Variants in TRAK1 observed in about 807,000 individuals in gnomAD.
The protein encoded by TRAK1 is trafficking kinesin protein 1, also known as trafficking kinesin-binding protein 1.
Under a neutral mutation model 92.1 loss-of-function variants are expected in TRAK1, and 33 were observed. The observed-to-expected ratio is 0.36, with a 90% confidence interval of 0.27 to 0.48. TRAK1 has a LOEUF of 0.48. TRAK1 is among the 20% of genes least tolerant of loss of function. The pLI, the probability that TRAK1 is intolerant of heterozygous loss-of-function variation, is 0.99. For synonymous variants in TRAK1, 521 were observed against 517.3 expected (o/e 1.01, Z -0.10); for missense variants, 1,123 against 1,257.9 (o/e 0.89, Z 1.62).
chr3:42,066,215 A>G (rs975297073), intron 1 of TRAK1, among the ~76,000 whole-genome samples: 13 of 152,044 alleles, frequency 8.6e-5, no homozygotes, highest in Admixed American at 4.6e-4. Context: ...AGCCCCAGCT[A>G]TTTGGGAGGC....
chr3:42,108,189 A>G (rs1156686428), intron 1 of TRAK1, among the ~76,000 whole-genome samples: 7 of 152,110 alleles, frequency 4.6e-5, no homozygotes, highest in African/African-American at 1.7e-4. Flanking sequence ...CTCCTTGACT[A>G]TAATTAAAAA....
At chr3:42,021,251 A>G (rs546437315) in intron 1 of TRAK1, among the ~76,000 whole-genome samples, 1 of 152,316 alleles carries the variant, frequency 6.6e-6, no homozygotes, top group South Asian at 2.1e-4. Flanking sequence ...TTAGTAGAGA[A>G]TAAAAGAGTG....
chr3:42,115,727 C>G lies in TRAK1; in HGVS notation c.92-9693C>G, dbSNP rs964568140. On this transcript the variant is annotated intron_variant, in intron 1 of 15. Coordinates refer to ENST00000327628, the MANE Select transcript of TRAK1 (RefSeq NM_001042646.3). ...TGAGGGTTTCTCTGCTTGTCCTTCT[C>G]TCTTCTGGAGATCCCCTTTGCTGTT... Among the ~76,000 whole-genome samples the G allele has an allele frequency of 4.1e-4, 63 of 152,210 alleles. 1 individual carries two copies. Among genetic ancestry groups the G allele is most frequent in the Non-Finnish European group, 1.3e-4 (9 of 68,040 alleles).
chr3:42,202,461 G>C lies in TRAK1; in HGVS notation c.1453G>C (p.Gly485Arg). The change falls in exon 13 of 16, where the codon GGG becomes CGG. Residue 485 changes from glycine to arginine, a missense_variant. Transcript: ENST00000327628. The surrounding 1 kb of genome is among the most constrained non-coding windows in gnomAD (Gnocchi z 6.1). ...LGNDERSKKP[G>R]TPGTPGSHDL... ...AAACGATGAGCGGAGTAAGAAGCCGGGGACGCCGGGCACCCCAGGCTCCCA... is the reference window on the plus strand; with the variant it reads ...AAACGATGAGCGGAGTAAGAAGCCGCGGACGCCGGGCACCCCAGGCTCCCA... The C allele has an allele frequency of 6.7e-7, 1 of 1,486,792 alleles. No homozygotes were observed. The highest frequency in any genetic ancestry group is 9.0e-7 in the Non-Finnish European group (1 of 1,115,174). The allele number at this position is 1,486,792 out of a possible 1,614,324, so 92.1% of individuals were successfully genotyped here. A position where few individuals can be genotyped will look rare whatever the true frequency, so the allele number is the denominator to read the frequency against.
upstream of TRAK1, among the ~76,000 whole-genome samples, chr3:42,090,105 A>G (rs1704927963): frequency 6.6e-6 from 1 of 152,170 alleles, no homozygotes. Flanking sequence ...GAGTGAGTAG[A>G]AATTGGCTGT....
At chr3:42,054,435 A>C (rs1471173702) in intron 1 of TRAK1, among the ~76,000 whole-genome samples, 1 of 152,138 alleles carries the variant, frequency 6.6e-6, no homozygotes, top group Non-Finnish European at 1.5e-5. Context: ...TTATTTTAGC[A>C]ATGATAGGAA....
chr3:42,212,339 G>T, intron 14 of TRAK1: 1 of 985,426 alleles, frequency 1.0e-6, no homozygotes, highest in Non-Finnish European at 1.2e-6. Flanking sequence ...GGAACACTCA[G>T]TAGGGAGACA....
upstream of TRAK1, among the ~76,000 whole-genome samples, chr3:42,083,275 T>A (rs1030209778): frequency 6.6e-6 from 1 of 152,204 alleles, no homozygotes; most frequent in African/African-American, 2.4e-5. Context: ...AATTTTTATA[T>A]CCTTTGCCCA....
intron 1 of TRAK1, among the ~76,000 whole-genome samples, chr3:42,023,738 G>T (rs1012133977): frequency 6.9e-6 from 1 of 145,814 alleles, no homozygotes; most frequent in Non-Finnish European, 1.5e-5. Context: ...TGACGTGCTC[G>T]TGAGGGTTTT....
chr3:42,098,889 GCCGAGCCTT>G, intron 1 of TRAK1, among the ~76,000 whole-genome samples: 1 of 152,196 alleles, frequency 6.6e-6, no homozygotes, highest in South Asian at 2.1e-4. Flanking sequence ...AGTGAGGGAG[GCCGAGCCTT>G]AGGCACCAGC....
At chr3:42,218,508 TC>T (rs1459886530) in intron 14 of TRAK1, 2 of 984,576 alleles carry the variant, frequency 2.0e-6, no homozygotes, top group Non-Finnish European at 2.4e-6. Context: ...TCGGGCAGCA[TC>T]TTTTTTTTTT....
chr3:42,091,393 G>C lies in TRAK1; in HGVS notation c.-77G>C. ...GAGGAAGGCACGGGAGGGTGGCTGT[G>C]CGAGGTACTGCCGGGGCTGAGCTCT... On this transcript the variant is annotated 5_prime_UTR_variant, in exon 1 of 16. Coordinates refer to ENST00000327628, the MANE Select transcript of TRAK1 (RefSeq NM_001042646.3). 7.4e-7 allele frequency: 1 copy of C among 1,342,538 alleles called. No homozygotes were observed. Among genetic ancestry groups the C allele is most frequent in the Non-Finnish European group, 1.0e-6 (1 of 955,998 alleles). 83.2% of individuals were successfully genotyped at this position (1,342,538 alleles called of 1,614,324 possible).
intron 1 of TRAK1, among the ~76,000 whole-genome samples, chr3:42,097,762 C>G (rs1463454397): frequency 2.0e-5 from 3 of 152,172 alleles, no homozygotes; most frequent in Non-Finnish European, 4.4e-5. Context: ...CTGGGCGTAC[C>G]TGAACTTTAT....
At chr3:42,094,136 G>A (rs933692386) in intron 1 of TRAK1, among the ~76,000 whole-genome samples, 2 of 152,136 alleles carry the variant, frequency 1.3e-5, no homozygotes, top group African/African-American at 2.4e-5. Flanking sequence ...TATGGGCCTC[G>A]GCACCTTCCT....
chr3:42,166,472 C>T (rs1309978848), intron 2 of TRAK1, among the ~76,000 whole-genome samples: 2 of 152,144 alleles, frequency 1.3e-5, no homozygotes, highest in Non-Finnish European at 2.9e-5. Flanking sequence ...CAAACCTGCT[C>T]CAAGTCCATG....
intron 1 of TRAK1, among the ~76,000 whole-genome samples, chr3:42,093,405 C>T (rs1705385119): frequency 6.6e-6 from 1 of 151,962 alleles, no homozygotes; most frequent in Admixed American, 6.6e-5. Context: ...ATCTTCCTAC[C>T]CTTCAGTTCC....
At chr3:42,106,703 T>C (rs1010162580) in intron 1 of TRAK1, among the ~76,000 whole-genome samples, 18 of 152,224 alleles carry the variant, frequency 1.2e-4, no homozygotes, top group African/African-American at 4.3e-4. Context: ...TTTGTGTTTA[T>C]TGGAAAATTG....
chr3:42,018,411 C>T (rs1701608850), intron 1 of TRAK1, among the ~76,000 whole-genome samples: 1 of 152,164 alleles, frequency 6.6e-6, no homozygotes, highest in African/African-American at 2.4e-5. Context: ...TTTCTAGGGT[C>T]TCCTCTAGTT....
intron 2 of TRAK1, among the ~76,000 whole-genome samples, chr3:42,175,292 T>G (rs2149357309): frequency 6.6e-6 from 1 of 152,306 alleles, no homozygotes; most frequent in African/African-American, 2.4e-5. Context: ...CAGCTGTGCG[T>G]GAAGAAGACT....
Sources: allele counts gnomAD v4.1 joint callset (sites outside exome capture counted in the v4.1 genomes callset), GRCh38; gene constraint gnomAD v4.1.1; non-coding constraint Gnocchi (gnomAD v3.1); transcripts MANE v1.5; gene names NCBI Gene and HGNC (gene_info 2026-07-23, HGNC 2026-07-21).